The following TENM4 variants were observed in gnomAD, a reference collection of about 807,000 sequenced individuals.
TENM4 encodes the protein teneurin transmembrane protein 4, also known as teneurin-4.
TENM4 carries 82 observed loss-of-function variants against 243.3 expected under a neutral mutation model. That is an observed-to-expected ratio of 0.34 (90% CI 0.28 to 0.40). The LOEUF (loss-of-function observed/expected upper bound fraction) is 0.40, where lower values mean the gene tolerates loss of function less well. TENM4 is among the 10% of genes least tolerant of loss of function. The pLI is 1.00. For missense variants in TENM4, 3,138 were observed against 3,673.3 expected, an observed-to-expected ratio of 0.85 and a Z score of 3.77; for synonymous variants, 1,412 against 1,456.3, an observed-to-expected ratio of 0.97 and a Z score of 0.69.
intron 4 of TENM4, among the ~76,000 whole-genome samples, chr11:79,128,144 G>A (rs578126765): frequency 6.6e-6 from 1 of 152,344 alleles, no homozygotes; most frequent in African/African-American, 2.4e-5. Flanking sequence ...TAGGGATGAT[G>A]TTTGGAGCCT....
At chr11:79,415,133 C>CTT (rs1858785959) in intron 1 of TENM4, among the ~76,000 whole-genome samples, 1 of 152,250 alleles carries the variant, frequency 6.6e-6, no homozygotes, top group Non-Finnish European at 1.5e-5. Context: ...CTGTCTCTCT[C>CTT]TTGTCCGATT....
intron 6 of TENM4, among the ~76,000 whole-genome samples, chr11:79,015,473 A>G (rs1051978057): frequency 9.3e-6 from 1 of 107,314 alleles, no homozygotes; most frequent in African/African-American, 4.5e-5. Flanking sequence ...AAAAAAAGTC[A>G]TTTAGTGTGT....
intron 6 of TENM4, among the ~76,000 whole-genome samples, chr11:78,977,490 C>T (rs1386745677): frequency 6.6e-6 from 1 of 152,236 alleles, no homozygotes; most frequent in African/African-American, 2.4e-5. Flanking sequence ...GATCTACTGG[C>T]AGTAAACTGC....
At chr11:78,732,221 G>A in intron 21 of TENM4, 95 bp downstream of exon 21, 1 of 1,491,334 alleles carries the variant, frequency 6.7e-7, no homozygotes, top group Non-Finnish European at 9.0e-7. Context: ...AAGCCCTACA[G>A]AGGTGTTTTT....
intron 1 of TENM4, among the ~76,000 whole-genome samples, chr11:79,308,338 T>C (rs1856660809): frequency 6.6e-6 from 1 of 152,250 alleles, no homozygotes; most frequent in Non-Finnish European, 1.5e-5. Context: ...GAAAAATTTG[T>C]GAGACAGTTA....
At chr11:79,274,901 G>A (rs1856027041) in intron 2 of TENM4, among the ~76,000 whole-genome samples, 1 of 152,198 alleles carries the variant, frequency 6.6e-6, no homozygotes, top group African/African-American at 2.4e-5. Context: ...TTCTCCCCGG[G>A]CCTCAGTTTC....
intron 4 of TENM4, among the ~76,000 whole-genome samples, chr11:79,132,135 G>T (rs971198917): frequency 5.3e-5 from 8 of 151,774 alleles, no homozygotes; most frequent in African/African-American, 1.9e-4. Flanking sequence ...GAGGTCAGGA[G>T]ATCGAGACCA....
chr11:79,021,243 G>A (rs1177834410), intron 6 of TENM4, among the ~76,000 whole-genome samples: 1 of 152,182 alleles, frequency 6.6e-6, no homozygotes, highest in Non-Finnish European at 1.5e-5. Context: ...GAAAGCAGGA[G>A]CCATTTACCA....
intron 4 of TENM4, among the ~76,000 whole-genome samples, chr11:79,137,122 T>C (rs943718416): frequency 2.0e-5 from 3 of 152,178 alleles, no homozygotes; most frequent in African/African-American, 7.2e-5. Flanking sequence ...CATTATGTTC[T>C]GCTGGCCTAG....
chr11:79,346,326 C>A (rs1039628605), intron 1 of TENM4, among the ~76,000 whole-genome samples: 1 of 152,136 alleles, frequency 6.6e-6, no homozygotes, highest in Non-Finnish European at 1.5e-5. Flanking sequence ...ACCTAGGTTA[C>A]CTCATTTATA....
intron 2 of TENM4, among the ~76,000 whole-genome samples, chr11:79,269,394 TC>T (rs2135341898): frequency 6.6e-6 from 1 of 152,344 alleles, no homozygotes; most frequent in East Asian, 1.9e-4. Flanking sequence ...TTTTTCTTTT[TC>T]CCATGGCTTC....
At chr11:78,698,484 C>G (rs139708822) in intron 28 of TENM4, among the ~76,000 whole-genome samples, 2,480 of 152,194 alleles carry the variant, frequency 0.016, 27 homozygotes, top group Non-Finnish European at 0.027. Context: ...CACAGGCAAG[C>G]CTGGGCAATT....
intron 3 of TENM4, among the ~76,000 whole-genome samples, chr11:79,201,498 C>T (rs112492711): frequency 0.059 from 1,747 of 29,758 alleles, 37 homozygotes; most frequent in African/African-American, 0.19. Context: ...GAGAAATAAC[C>T]AGGCAAAAAA....
At chr11:79,085,460 T>C (rs1860790033) in intron 4 of TENM4, among the ~76,000 whole-genome samples, 1 of 151,594 alleles carries the variant, frequency 6.6e-6, no homozygotes, top group Non-Finnish European at 1.5e-5. Context: ...ATCTCTTACA[T>C]ACTTCTCGTA....
At chr11:79,210,382 C>T (rs1257435805) in intron 3 of TENM4, among the ~76,000 whole-genome samples, 1 of 152,220 alleles carries the variant, frequency 6.6e-6, no homozygotes, top group Admixed American at 6.5e-5. Flanking sequence ...TCATGATAGA[C>T]TCCAATTGGG....
At chr11:78,786,759 G>A (rs2136037176) in intron 16 of TENM4, 139 bp downstream of exon 16, 1 of 1,237,822 alleles carries the variant, frequency 8.1e-7, no homozygotes, top group East Asian at 2.6e-5. Flanking sequence ...GGAAATGCCA[G>A]TCATAATACC....
At chr11:79,057,746 C>T (rs1403155514) in intron 6 of TENM4, among the ~76,000 whole-genome samples, 1 of 152,186 alleles carries the variant, frequency 6.6e-6, no homozygotes, top group Non-Finnish European at 1.5e-5. Flanking sequence ...TGTGGAATGA[C>T]AGACAATCCA....
chr11:79,259,658 TATCCATCCATCCATCC>T (rs10534484), intron 2 of TENM4, among the ~76,000 whole-genome samples: 5 of 145,314 alleles, frequency 3.4e-5, no homozygotes, highest in African/African-American at 7.8e-5. Context: ...TCCATCCATC[TATCCATCCATCCATCC>T]ATCCATCCAT....
At chr11:79,013,275 C>T (rs957220107) in intron 6 of TENM4, among the ~76,000 whole-genome samples, 17 of 152,308 alleles carry the variant, frequency 1.1e-4, no homozygotes, top group East Asian at 5.8e-4. Flanking sequence ...TTCCTTGCAA[C>T]GTCTTCTCAG....
Sources: allele counts gnomAD v4.1 joint callset (sites outside exome capture counted in the v4.1 genomes callset), GRCh38; gene constraint gnomAD v4.1.1; transcripts MANE v1.5; gene names NCBI Gene and HGNC (gene_info 2026-07-23, HGNC 2026-07-21).